The following ERC2 variants were observed in gnomAD, a reference collection of about 807,000 sequenced individuals.
The protein encoded by ERC2 is ERC protein 2.
ERC2 carries 42 observed loss-of-function variants against 114.8 expected under a neutral mutation model. The ratio of observed to expected loss-of-function variants is 0.37; its 90% CI spans 0.29 to 0.47. The LOEUF (loss-of-function observed/expected upper bound fraction) is 0.47. Ranked by LOEUF, ERC2 falls within the 20% of genes least tolerant of loss-of-function variation. The pLI, the probability that ERC2 is intolerant of heterozygous loss-of-function variation, is 0.99. For synonymous variants in ERC2, 454 were observed against 425.5 expected (o/e 1.07, Z -0.82); for missense variants, 939 against 1,150.7 (o/e 0.82, Z 2.66).
At chr3:55,952,717 G>C (rs1363659832) in intron 12 of ERC2, among the ~76,000 whole-genome samples, 3 of 152,158 alleles carry the variant, frequency 2.0e-5, no homozygotes, top group Non-Finnish European at 1.5e-5. Context: ...CCTGCCCCAA[G>C]TATGGGTGAC....
intron 14 of ERC2, among the ~76,000 whole-genome samples, chr3:55,870,785 A>G (rs1306857908): frequency 6.6e-6 from 1 of 152,194 alleles, no homozygotes; most frequent in Non-Finnish European, 1.5e-5. Flanking sequence ...ACGACATTTA[A>G]TTGTCACCAC....
chr3:55,933,268 C>T (rs967560038), intron 13 of ERC2, among the ~76,000 whole-genome samples: 12 of 151,738 alleles, frequency 7.9e-5, no homozygotes, highest in African/African-American at 2.9e-4. Context: ...AAATGCCAAC[C>T]TTTAGGCTTA....
At chr3:55,621,891 C>T (rs764027161) in intron 17 of ERC2, among the ~76,000 whole-genome samples, 11 of 152,118 alleles carry the variant, frequency 7.2e-5, no homozygotes, top group Admixed American at 1.3e-4. Flanking sequence ...CACATCCCTG[C>T]CAAGCAGCAG....
At chr3:55,997,577 T>C (rs116083518) in intron 10 of ERC2, among the ~76,000 whole-genome samples, 5,690 of 148,860 alleles carry the variant, frequency 0.038, 231 homozygotes, top group African/African-American at 0.1. Flanking sequence ...AACTCTATTA[T>C]AGACTGATGA....
chr3:56,313,946 G>GGATATATA (rs1432053578), intron 2 of ERC2, among the ~76,000 whole-genome samples: 9 of 152,190 alleles, frequency 5.9e-5, no homozygotes, highest in Non-Finnish European at 1.0e-4. Flanking sequence ...GATTCCTAAA[G>GGATATATA]TACCCTTTAG....
At chr3:56,094,593 T>C (rs1201028983) in intron 6 of ERC2, among the ~76,000 whole-genome samples, 1 of 152,216 alleles carries the variant, frequency 6.6e-6, no homozygotes, top group Non-Finnish European at 1.5e-5. Context: ...GCTCAATGAC[T>C]TCTAAGGACT....
chr3:56,299,096 G>GTTTTTTTTTGGTT (rs2055660235), intron 2 of ERC2, among the ~76,000 whole-genome samples: 1 of 141,646 alleles, frequency 7.1e-6, no homozygotes, highest in African/African-American at 2.8e-5. Flanking sequence ...TAGGTAGATA[G>GTTTTTTTTTGGTT]TTTTTTTTTG....
intron 6 of ERC2, among the ~76,000 whole-genome samples, chr3:56,095,743 A>G (rs1201462039): frequency 6.6e-6 from 1 of 152,194 alleles, no homozygotes; most frequent in Non-Finnish European, 1.5e-5. Context: ...CCAGAAAATT[A>G]ATTGATTGCC....
At chr3:55,995,951 G>A (rs751382336) in intron 10 of ERC2, among the ~76,000 whole-genome samples, 18 of 152,084 alleles carry the variant, frequency 1.2e-4, no homozygotes, top group South Asian at 4.1e-4. Flanking sequence ...CAATATTCTC[G>A]CCTTTTCAAA....
At chr3:55,895,394 C>G (rs1353542371) in intron 13 of ERC2, among the ~76,000 whole-genome samples, 1 of 152,152 alleles carries the variant, frequency 6.6e-6, no homozygotes, top group African/African-American at 2.4e-5. Context: ...AGATCCTCCC[C>G]TTTAAAGTGG....
intron 6 of ERC2, among the ~76,000 whole-genome samples, chr3:56,115,283 A>G (rs1356993010): frequency 1.3e-5 from 2 of 152,276 alleles, no homozygotes; most frequent in Middle Eastern, 3.4e-3. Flanking sequence ...CTGAACCCCA[A>G]TGTTTAGGGT....
chr3:56,210,153 C>T (rs371197773), intron 3 of ERC2, among the ~76,000 whole-genome samples: 4 of 152,178 alleles, frequency 2.6e-5, no homozygotes, highest in Admixed American at 2.6e-4. Context: ...GAGCGAACTA[C>T]CTGGGGGCTG....
chr3:55,527,269 A>G (rs2053386979), intron 17 of ERC2, among the ~76,000 whole-genome samples: 1 of 152,178 alleles, frequency 6.6e-6, no homozygotes, highest in South Asian at 2.1e-4. Context: ...TATCTAAAGC[A>G]TAGAGGTGTT....
intron 12 of ERC2, among the ~76,000 whole-genome samples, chr3:55,963,051 C>T (rs958628140): frequency 2.6e-5 from 4 of 152,220 alleles, no homozygotes; most frequent in African/African-American, 9.6e-5. Flanking sequence ...CATTAGCTTT[C>T]CACCAGAAGA....
At chr3:56,249,377 G>C (rs1008109239) in intron 3 of ERC2, among the ~76,000 whole-genome samples, 2 of 151,878 alleles carry the variant, frequency 1.3e-5, no homozygotes, top group African/African-American at 2.4e-5. Flanking sequence ...CCAGGCTGGA[G>C]TGCAGTGGTG....
intron 6 of ERC2, among the ~76,000 whole-genome samples, chr3:56,115,472 A>C (rs2079179047): frequency 6.6e-6 from 1 of 152,130 alleles, no homozygotes; most frequent in South Asian, 2.1e-4. Flanking sequence ...GTAGTTGAAA[A>C]GGGCTTATCA....
At chr3:56,238,316 A>G (rs2051100171) in intron 3 of ERC2, among the ~76,000 whole-genome samples, 1 of 152,214 alleles carries the variant, frequency 6.6e-6, no homozygotes, top group South Asian at 2.1e-4. Flanking sequence ...AGGATCCCCC[A>G]GATAACTCTG....
intron 3 of ERC2, among the ~76,000 whole-genome samples, chr3:56,205,716 T>G (rs1235429941): frequency 6.6e-6 from 1 of 152,114 alleles, no homozygotes; most frequent in African/African-American, 2.4e-5. Flanking sequence ...GAACACCCAC[T>G]TGAGAAAACA....
At chr3:55,784,167 TTTTG>T (rs540063169) in intron 14 of ERC2, among the ~76,000 whole-genome samples, 132 of 152,190 alleles carry the variant, frequency 8.7e-4, no homozygotes, top group East Asian at 3.3e-3. Flanking sequence ...TTTGTTTTGT[TTTTG>T]TTTGTTTGTT....
Sources: allele counts gnomAD v4.1 joint callset (sites outside exome capture counted in the v4.1 genomes callset), GRCh38; gene constraint gnomAD v4.1.1; transcripts MANE v1.5; gene names NCBI Gene and HGNC (gene_info 2026-07-23, HGNC 2026-07-21).